Variants in RIF1 observed in about 807,000 individuals in gnomAD.
The protein encoded by RIF1 is replication timing regulatory factor 1.
A neutral mutation model predicts 247.1 loss-of-function variants in RIF1; 45 were observed. The observed-to-expected ratio is 0.18, with a 90% CI of 0.14 to 0.23. The LOEUF (loss-of-function observed/expected upper bound fraction) is 0.23. Among genes scored for constraint, RIF1 ranks in the 10% least tolerant of loss-of-function variants. RIF1 has a pLI of 1.00. For synonymous variants in RIF1, 1,087 were observed against 978.8 expected, an observed-to-expected ratio of 1.11 and a Z score of -2.06; for missense variants, 2,967 against 2,862.5, an observed-to-expected ratio of 1.04 and a Z score of -0.83.
At chr2:151,527,510 C>G in the RIF1 span, 2 of 1,613,324 alleles carry the variant, frequency 1.2e-6, no homozygotes, top group Non-Finnish European at 1.7e-6. Flanking sequence ...GACTTGGCAG[C>G]CTGGAGGAAG....
the RIF1 span, chr2:151,529,446 C>T: frequency 1.5e-6 from 1 of 663,664 alleles, no homozygotes; most frequent in Non-Finnish European, 2.7e-6. Flanking sequence ...TAAAAATCTG[C>T]TGTGGAGCAA....
At chr2:151,505,780 T>C (rs1248966507) in intron 12 of RIF1, among the ~76,000 whole-genome samples, 1 of 152,094 alleles carries the variant, frequency 6.6e-6, no homozygotes, top group Non-Finnish European at 1.5e-5. Flanking sequence ...CTCTCTCTCG[T>C]CTCTTTGGGG....
intron 9 of RIF1, chr2:151,491,470 G>T: frequency 2.2e-6 from 1 of 450,694 alleles, no homozygotes. Flanking sequence ...TGGGAGACAT[G>T]CACTGAGGCA....
intron 7 of RIF1, among the ~76,000 whole-genome samples, chr2:151,422,578 C>T (rs1688367870): frequency 6.6e-6 from 1 of 151,722 alleles, no homozygotes; most frequent in South Asian, 2.1e-4. Flanking sequence ...CTGCTCTCTG[C>T]AACCTCCACC....
At position 151,419,158 on chromosome 2, in the gene RIF1, G is replaced by A. The variant is rs536627163; in HGVS notation, c.504-1032G>A. ...CTTCTGTGATTGATGCTACCTTCTG[G>A]AGTATCTGCTGAAGGACCCTCAAGG... On this transcript the variant is annotated intron_variant, in intron 6 of 35. Coordinates refer to ENST00000444746, the MANE Select transcript of RIF1 (RefSeq NM_018151.5). 6.7e-4 allele frequency among the ~76,000 whole-genome samples: 102 copies of A among 151,812 alleles called. 1 individual carries two copies. In the South Asian group the frequency reaches 0.019, roughly 29 times the overall value.
Position 151,457,876 on chromosome 2 carries a change from A to G in RIF1, c.2768A>G (p.Lys923Arg), listed in dbSNP as rs1695466754. The G allele has an allele frequency of 6.2e-7, 1 of 1,613,800 alleles. No individual in the cohort carries two copies. The highest frequency in any genetic ancestry group is 8.5e-7 in the Non-Finnish European group (1 of 1,179,880). The change falls in exon 24 of 36, where the codon AAG becomes AGG. Residue 923 changes from lysine (K) to arginine (R), a missense_variant. Transcript: ENST00000444746. ...CTATTATGCATAATATTTCTGCACA[A>G]GAATAAACAGATTCGAAAACAGAGT... Reference protein sequence around the residue: ...SPLLCIIFLHKNKQIRKQSAQ... With the variant: ...SPLLCIIFLHRNKQIRKQSAQ...
chr2:151,464,147 C>G lies in RIF1; in HGVS notation c.4627C>G (p.Gln1543Glu). 1 of 1,610,266 alleles carries G rather than the reference C, an allele frequency of 6.2e-7. No individual in the cohort carries two copies. Among genetic ancestry groups the G allele is most frequent in the East Asian group, 2.2e-5 (1 of 44,868 alleles). ...ACGGTATCAAACTAGAAGAGCATCTCAGGGTTTGCTTTCCAGCATTGAAAA... is the reference window on the plus strand; with the variant it reads ...ACGGTATCAAACTAGAAGAGCATCTGAGGGTTTGCTTTCCAGCATTGAAAA... ...RTRYQTRRAS[Q>E]GLLSSIENSE... Residue 1543 changes from glutamine (Q) to glutamate (E), a missense_variant, in exon 30 of 36, where the codon CAG (glutamine) becomes GAG (glutamate). By Grantham distance (29) the Gln-to-Glu change is conservative. Around this residue, in one of 7 missense-constraint regions of RIF1, gnomAD observed 2,028 missense variants for 1,825.6 expected, o/e 1.11. Coordinates refer to ENST00000444746, the MANE Select transcript of RIF1 (RefSeq NM_018151.5).
At chr2:151,526,930 T>C in the RIF1 span, 1 of 1,592,278 alleles carries the variant, frequency 6.3e-7, no homozygotes, top group Non-Finnish European at 8.6e-7. Context: ...CACTTTCTAT[T>C]AAAGTATTCC....
At chr2:151,433,002 AC>A in intron 9 of RIF1, 74 bp from the exon 10 acceptor site, 1 of 1,106,212 alleles carries the variant, frequency 9.0e-7, no homozygotes, top group Non-Finnish European at 1.3e-6. Context: ...GTGATAAAAG[AC>A]TGTTGCATAG....
At position 151,492,206 on chromosome 2, in the gene RIF1, C is replaced by T. The variant is rs1341580706; in HGVS notation, c.*416-3023C>T. The T allele has an allele frequency of 6.2e-7, 1 of 1,613,814 alleles. No homozygotes were observed. Among genetic ancestry groups the T allele is most frequent in the Non-Finnish European group, 8.5e-7 (1 of 1,179,840 alleles). On this transcript the variant is annotated intron_variant and NMD_transcript_variant, in intron 9 of 13. Transcript: ENST00000454583. ...CTGAAGTCCTGCATGTTCTTCTTTA[C>T]TCGTTCAGTGATAGGATCTGTCACC...
intron 34 of RIF1, among the ~76,000 whole-genome samples, chr2:151,470,913 G>C (rs779159633): frequency 6.6e-6 from 1 of 152,052 alleles, no homozygotes; most frequent in Non-Finnish European, 1.5e-5. Flanking sequence ...TTTTTTAACA[G>C]CTTCATTAAG....
Position 151,494,161 on chromosome 2 carries a change from C to T in RIF1, c.*416-1068C>T, listed in dbSNP as rs202048855. The T allele has an allele frequency of 1.7e-5, 27 of 1,601,982 alleles. No individual in the cohort carries two copies. Among genetic ancestry groups the T allele is most frequent in the Admixed American group, 5.1e-5 (3 of 58,788 alleles). On this transcript the variant is annotated intron_variant and NMD_transcript_variant, in intron 9 of 13. Transcript: ENST00000454583. ...GCACTTTTGTTTCTCAAGACAATAC[C>T]GAGCTAATGTTTTCTTGATTGCGTT... is the stretch of plus-strand genomic sequence containing the variant.
chr2:151,435,270 C>A lies in RIF1; in HGVS notation c.1078-193C>A, dbSNP rs11888535. ...TGTATATAAACAAATTTAGGTAATA[C>A]ATATTTAGGGCAAATACAGTTGTAA... On this transcript the variant is annotated intron_variant, in intron 10 of 35. Transcript: ENST00000444746. Among the ~76,000 whole-genome samples, 439 of 152,270 alleles carry A rather than the reference C, an allele frequency of 2.9e-3. 2 individuals carry two copies. Among genetic ancestry groups the A allele is most frequent in the African/African-American group, 0.01 (422 of 41,552 alleles).
chr2:151,421,210 T>G (rs1023809580), intron 7 of RIF1, among the ~76,000 whole-genome samples: 3 of 152,106 alleles, frequency 2.0e-5, no homozygotes, highest in African/African-American at 4.8e-5. Context: ...GTGGGAGAGA[T>G]AATTAAGTAC....
In RIF1 at chr2:151,458,820, A is replaced by G; in HGVS notation, c.2865A>G (p.Leu955=). The change falls in exon 25 of 36, where the codon CTA becomes CTG. Residue 955 remains leucine (L), a synonymous_variant. Coordinates refer to ENST00000444746, the MANE Select transcript of RIF1 (RefSeq NM_018151.5). The part of the protein sequence containing the change: ...LVYPEELKPV[L]TQAKQKFLLL... ...ATGTACTTTTTTAAAGACCAGTACT[A>G]ACACAAGCCAAACAAAAATTTCTGC... The G allele has an allele frequency of 6.2e-7, 1 of 1,608,768 alleles. No homozygotes were observed. Among genetic ancestry groups the G allele is most frequent in the African/African-American group, 1.3e-5 (1 of 74,898 alleles).
intron 9 of RIF1, among the ~76,000 whole-genome samples, chr2:151,432,423 T>C (rs1215651292): frequency 6.6e-6 from 1 of 152,224 alleles, no homozygotes; most frequent in Admixed American, 6.5e-5. Flanking sequence ...ATTTAATTTC[T>C]ATGCTGAATT....
At position 151,462,974 on chromosome 2, in the gene RIF1, A is replaced by G. The variant is rs560970444; in HGVS notation, c.3454A>G (p.Asn1152Asp). 134 of 1,614,074 alleles carry G rather than the reference A, an allele frequency of 8.3e-5. No homozygotes were observed. The highest frequency in any genetic ancestry group is 2.7e-4 in the Admixed American group (16 of 60,020). ...ACATCTTGAAAAGTCCTCCCTTTCG[A>G]ATAATGAGTGTGGTTCTCTTGACAA... Reference protein sequence around the residue: ...AEHLEKSSLSNNECGSLDKTS... With the variant: ...AEHLEKSSLSDNECGSLDKTS... Residue 1152 changes from asparagine to aspartate, a missense_variant, in exon 30 of 36, where the codon AAT (asparagine) becomes GAT (aspartate). By Grantham distance (23) the Asn-to-Asp change is conservative (BLOSUM62 1). Coordinates refer to ENST00000444746, the MANE Select transcript of RIF1 (RefSeq NM_018151.5).
In RIF1 at chr2:151,468,733, A is replaced by G; in HGVS notation, c.6918A>G (p.Leu2306=). 3 of 1,612,714 alleles carry G rather than the reference A, an allele frequency of 1.9e-6. No homozygotes were observed. Among genetic ancestry groups the G allele is most frequent in the South Asian group, 1.1e-5 (1 of 91,052 alleles). The part of the protein sequence containing the change: ...VNCVAPVDII[L]PQITSNMWAR... The stretch of plus-strand genomic sequence containing the variant: ...GTGTGGCACCAGTTGACATCATTTT[A>G]CCTCAGATTACATCAAACATGTGGT... The change falls in exon 33 of 36, where the codon TTA becomes TTG. Residue 2306 remains leucine, a synonymous_variant. Coordinates refer to ENST00000444746, the MANE Select transcript of RIF1 (RefSeq NM_018151.5).
rs1349382953 is a variant in RIF1, at chr2:151,420,087, CAAAT to C, written c.504-102_504-99del. ...ATGCATATTTGTATATATTCTAAAACAAATGGGCCGTACTGTGTATATTTCTGTT... is the reference window on the plus strand; with the variant it reads ...ATGCATATTTGTATATATTCTAAAACGGGCCGTACTGTGTATATTTCTGTT... On this transcript the variant is annotated intron_variant, in intron 6 of 35. Coordinates refer to ENST00000444746, the MANE Select transcript of RIF1 (RefSeq NM_018151.5). 6 of 921,210 alleles carry C rather than the reference CAAAT, an allele frequency of 6.5e-6. No individual in the cohort carries two copies. In the East Asian group the frequency reaches 1.6e-4, roughly 25 times the overall value. The allele number at this position is 921,210 out of a possible 1,614,324, so 57.1% of individuals were successfully genotyped here.
Sources: allele counts gnomAD v4.1 joint callset (sites outside exome capture counted in the v4.1 genomes callset), GRCh38; gene constraint gnomAD v4.1.1; regional missense constraint gnomAD v4.1.1; transcripts MANE v1.5; gene names NCBI Gene and HGNC (gene_info 2026-07-23, HGNC 2026-07-21).